FLT3: variants seen among roughly 807,000 people sequenced by gnomAD.
FLT3 encodes fms related receptor tyrosine kinase 3, also known as receptor-type tyrosine-protein kinase FLT3.
In FLT3, 46 loss-of-function variants were observed where a neutral mutation model predicts 126.6. The observed-to-expected ratio is 0.36, with a 90% CI of 0.29 to 0.46. The LOEUF (loss-of-function observed/expected upper bound fraction) is 0.46. FLT3 is among the 20% of genes least tolerant of loss of function. The pLI, the probability that FLT3 is intolerant of heterozygous loss-of-function variation, is 1.00. For synonymous variants in FLT3, 404 were observed against 434.4 expected (o/e 0.93, Z 0.87); for missense variants, 1,069 against 1,190.3 (o/e 0.90, Z 1.50).
chr13:28,047,362 T>C (rs372274981), intron 9 of FLT3, among the ~76,000 whole-genome samples: 22 of 152,172 alleles, frequency 1.4e-4, no homozygotes, highest in East Asian at 1.2e-3. Context: ...ATAGAAGATA[T>C]AGGGGAAAGT....
chr13:28,095,785 C>T (rs1043316139), intron 1 of FLT3, among the ~76,000 whole-genome samples: 7 of 151,978 alleles, frequency 4.6e-5, no homozygotes, highest in African/African-American at 9.7e-5. Context: ...CCCTGCTTGC[C>T]GAGTGTCATG....
Position 28,074,134 on chromosome 13 carries a change from C to T in FLT3, c.44-3522G>A, listed in dbSNP as rs984970522. 2.0e-5 allele frequency among the ~76,000 whole-genome samples: 3 copies of T among 152,100 alleles called. No individual in the cohort carries two copies. The South Asian group carries it at 6.2e-4, about 32-fold the overall frequency. On this transcript the variant is annotated intron_variant, in intron 1 of 23. Transcript: ENST00000241453. The stretch of plus-strand genomic sequence containing the variant: ...GACTGGTTTGAATTTTCTAAAATTT[C>T]ATACAAATGGAATCACACAGTATGA...
In FLT3 at chr13:28,004,135, G is replaced by A. The variant is rs371259230; in HGVS notation, c.2899C>T (p.His967Tyr). Residue 967 changes from histidine (H) to tyrosine (Y), a missense_variant, in exon 24 of 24, where the codon CAC (histidine) becomes TAC (tyrosine). His to Tyr is a moderately conservative substitution (Grantham distance 83). Transcript: ENST00000241453. ...NVDGRVSECP[H>Y]TYQNRRPFSR... ...AAAGGTCGCCTGTTTTGGTAGGTGTGAGGACATTCCGAAACACGGCCATCC... is the reference window on the plus strand; with the variant it reads ...AAAGGTCGCCTGTTTTGGTAGGTGTAAGGACATTCCGAAACACGGCCATCC... 2.7e-5 allele frequency: 44 copies of A among 1,614,076 alleles called. No homozygotes were observed. In the African/African-American group the frequency reaches 5.2e-4, roughly 19 times the overall value.
At position 28,003,477 on chromosome 13, in the gene FLT3, C is replaced by T. The variant is rs1593199748; in HGVS notation, c.*575G>A. ...GACAACCATAGCTGCCTACACATTC[C>T]TTGTATCTTGGGGTAAAAGCACACG... On this transcript the variant is annotated 3_prime_UTR_variant, in exon 24 of 24. Coordinates refer to ENST00000241453, the MANE Select transcript of FLT3 (RefSeq NM_004119.3). The T allele has an allele frequency of 1.3e-5, 3 of 235,144 alleles. No individual in the cohort carries two copies. Among genetic ancestry groups the T allele is most frequent in the East Asian group, 1.2e-4 (2 of 16,636 alleles). The allele number at this position is 235,144 out of a possible 1,614,324, so 14.6% of individuals were successfully genotyped here. A position where few individuals can be genotyped will look rare whatever the true frequency, so the allele number is the denominator to read the frequency against.
intron 15 of FLT3, among the ~76,000 whole-genome samples, chr13:28,030,678 C>A (rs1012328530): frequency 6.6e-6 from 1 of 150,976 alleles, no homozygotes; most frequent in East Asian, 1.9e-4. Context: ...AAGGCCCGGG[C>A]AAAATAGCAA....
chr13:28,050,812 T>A lies in FLT3; in HGVS notation c.615-590A>T, dbSNP rs147924000. ...TACCACTTTGGAACAAAGTATTTGG[T>A]ACTTTTTCTCCTTCTATTTGGTCCT... On this transcript the variant is annotated intron_variant, in intron 5 of 23. Transcript: ENST00000241453. Among the ~76,000 whole-genome samples the A allele has an allele frequency of 5.7e-3, 849 of 148,984 alleles. 14 individuals carry two copies. Among genetic ancestry groups the A allele is most frequent in the African/African-American group, 0.02 (806 of 41,038 alleles).
At position 28,027,099 on chromosome 13, in the gene FLT3, A is replaced by T. The variant is rs2137651350; in HGVS notation, c.2196T>A (p.His732Gln). The T allele has an allele frequency of 6.2e-7, 1 of 1,613,406 alleles. No homozygotes were observed. Among genetic ancestry groups the T allele is most frequent in the Non-Finnish European group, 8.5e-7 (1 of 1,179,742 alleles). ...ACCCAGCCTCTTACCTGGAATTTGGATGTGATTGGAAAGTGGGGTAAAAAC... is the reference window on the plus strand; with the variant it reads ...ACCCAGCCTCTTACCTGGAATTTGGTTGTGATTGGAAAGTGGGGTAAAAAC... ...NFSFYPTFQS[H>Q]PNSSMPGSRE... is the part of the protein sequence containing the mutation. Residue 732 changes from histidine (H) to glutamine (Q), a missense_variant, in exon 17 of 24, where the codon CAT becomes CAA. Coordinates refer to ENST00000241453, the MANE Select transcript of FLT3 (RefSeq NM_004119.3).
At chr13:28,091,368 C>G (rs975826967) in intron 1 of FLT3, among the ~76,000 whole-genome samples, 1 of 149,220 alleles carries the variant, frequency 6.7e-6, no homozygotes, top group South Asian at 2.2e-4. Flanking sequence ...ACTACAGGCG[C>G]CCGCCACCAC....
chr13:28,007,133 AC>A (rs1870978422), intron 23 of FLT3, among the ~76,000 whole-genome samples: 1 of 152,148 alleles, frequency 6.6e-6, no homozygotes, highest in African/African-American at 2.4e-5. Flanking sequence ...TGTGAAACAA[AC>A]CCTAGGTTTT....
intron 1 of FLT3, among the ~76,000 whole-genome samples, chr13:28,081,215 G>T (rs1460457495): frequency 6.6e-6 from 1 of 152,028 alleles, no homozygotes; most frequent in Non-Finnish European, 1.5e-5. Context: ...ATCAATTTGG[G>T]CAAAACTGAC....
chr13:28,028,134 G>A (rs1872976934), intron 16 of FLT3, 44 bp downstream of exon 16: 4 of 884,242 alleles, frequency 4.5e-6, no homozygotes, highest in Non-Finnish European at 7.8e-6. Flanking sequence ...TTGTCATCAA[G>A]CTACAGTCTT....
At chr13:28,015,510 G>A (rs745619215) in intron 21 of FLT3, 80 bp downstream of exon 21, 4 of 779,970 alleles carry the variant, frequency 5.1e-6, no homozygotes, top group South Asian at 1.5e-5. Context: ...ATCAGTGTTG[G>A]GGGGAGGGGT....
intron 1 of FLT3, among the ~76,000 whole-genome samples, chr13:28,077,272 T>TA (rs1414553522): frequency 6.6e-6 from 1 of 151,998 alleles, no homozygotes; most frequent in Non-Finnish European, 1.5e-5. Context: ...ACACTGCTGA[T>TA]AAAAATATAC....
intron 23 of FLT3, among the ~76,000 whole-genome samples, chr13:28,013,799 T>C (rs1455214649): frequency 1.3e-5 from 2 of 152,210 alleles, no homozygotes; most frequent in Non-Finnish European, 2.9e-5. Flanking sequence ...AGTCATGTGA[T>C]TTTTCCACAC....
At chr13:28,066,636 C>A (rs1877062067) in intron 2 of FLT3, among the ~76,000 whole-genome samples, 1 of 152,082 alleles carries the variant, frequency 6.6e-6, no homozygotes, top group Non-Finnish European at 1.5e-5. Flanking sequence ...AATAAATATT[C>A]ATGGGCCTCT....
At position 28,090,505 on chromosome 13, in the gene FLT3, C is replaced by T. The variant is rs142979898; in HGVS notation, c.43+9963G>A. Among the ~76,000 whole-genome samples, 416 of 152,178 alleles carry T rather than the reference C, an allele frequency of 2.7e-3. 1 individual carries two copies. The highest frequency in any genetic ancestry group is 4.4e-3 in the Non-Finnish European group (298 of 68,004). On this transcript the variant is annotated intron_variant, in intron 1 of 23. Transcript: ENST00000241453. ...GACTTTTTAAAAAGCTGGCCAGATG[C>T]GGTGGCTCACACTTATAATCCCAGT...
In FLT3 at chr13:28,061,909, T is replaced by A; in HGVS notation, c.326A>T (p.His109Leu). 1 of 1,614,146 alleles carries A rather than the reference T, an allele frequency of 6.2e-7. No homozygotes were observed. The highest frequency in any genetic ancestry group is 1.3e-5 in the African/African-American group (1 of 75,026). The change falls in exon 3 of 24, where the codon CAC (histidine) becomes CTC (leucine). Residue 109 changes from histidine to leucine, a missense_variant. Transcript: ENST00000241453. ...ATGTGGCTGGCAATTCAGGGAGCTGTGCTTAAAGACCCAGAGACAGGAAAT... is the reference window on the plus strand; with the variant it reads ...ATGTGGCTGGCAATTCAGGGAGCTGAGCTTAAAGACCCAGAGACAGGAAAT... ...GNISCLWVFK[H>L]SSLNCQPHFD... is the part of the protein sequence containing the mutation.
In FLT3 at chr13:28,027,183, T is replaced by G. The variant is rs754396362; in HGVS notation, c.2112A>C (p.Arg704Ser). The G allele has an allele frequency of 6.2e-7, 1 of 1,612,720 alleles. No homozygotes were observed. The highest frequency in any genetic ancestry group is 2.2e-5 in the East Asian group (1 of 44,870). Residue 704 changes from arginine to serine, a missense_variant, in exon 17 of 24, where the codon AGA becomes AGC. Transcript: ENST00000241453. ...CCYGDLLNYL[R>S]SKREKFHRTW... ...TCCTGTGAAATTTTTCTCTTTTACT[T>G]CTTAGATAGTTGAGAAGATCACCAT...
In FLT3 at chr13:28,070,495, G is replaced by C; in HGVS notation, c.161C>G (p.Pro54Arg). ...DSSVGKSSSY[P>R]MVSESPEDLG... ...ATAATTTTAATGTTACTTTACCATG[G>C]GATATGATGATGACTTCCCCACTGA... Residue 54 changes from proline (P) to arginine (R), a missense_variant, in exon 2 of 24, where the codon CCC becomes CGC. By Grantham distance (103) the Pro-to-Arg change is moderately radical. Transcript: ENST00000241453. 1 of 1,609,248 alleles carries C rather than the reference G, an allele frequency of 6.2e-7. No homozygotes were observed. Among genetic ancestry groups the C allele is most frequent in the Non-Finnish European group, 8.5e-7 (1 of 1,176,784 alleles).
Sources: gnomAD v4.1 joint callset for allele counts (sites outside exome capture counted in the v4.1 genomes callset) on GRCh38, gnomAD v4.1.1 for gene constraint, MANE v1.5 for transcripts, NCBI Gene and HGNC (gene_info 2026-07-23, HGNC 2026-07-21) for gene names.